PXMP2: variants seen among roughly 807,000 people sequenced by gnomAD.
PXMP2 encodes 22 kDa peroxisomal membrane protein.
A neutral mutation model predicts 20.2 loss-of-function variants in PXMP2; 13 were observed. That is an observed-to-expected ratio of 0.64 (90% CI 0.42 to 1.02). The LOEUF (loss-of-function observed/expected upper bound fraction) is 1.02, where lower values mean the gene tolerates loss of function less well. Ranked by LOEUF, PXMP2 falls within the 50% of genes least tolerant of loss-of-function variation. The probability of loss-of-function intolerance (pLI) is 0.00; values close to 1 mark genes in which losing one functional copy is unlikely to be tolerated. For missense variants in PXMP2, 284 were observed against 251.8 expected, an observed-to-expected ratio of 1.13 and a Z score of -0.87; for synonymous variants, 113 against 111.2, an observed-to-expected ratio of 1.02 and a Z score of -0.10.
rs1593111180 is a variant in PXMP2 at position 132,704,626 on chromosome 12, T to C, written c.527T>C (p.Val176Ala). 1 of 1,453,790 alleles carries C rather than the reference T, an allele frequency of 6.9e-7. No individual in the cohort carries two copies. The highest frequency in any genetic ancestry group is 9.1e-7 in the Non-Finnish European group (1 of 1,097,130). The allele number at this position is 1,453,790 out of a possible 1,614,324, so 90.1% of individuals were successfully genotyped here. Residue 176 changes from valine (V) to alanine (A), a missense_variant, in exon 5 of 5, where the codon GTG becomes GCG. Val to Ala is a moderately conservative substitution (Grantham distance 64, BLOSUM62 0). Transcript: ENST00000317479. ...GACTGTTCTTTTCGGCAGTTCCGGG[T>C]GCTCTTCGCCAACCTGGCAGCTCTG... is the stretch of plus-strand genomic sequence containing the variant. ...NINYVPLKFR[V>A]LFANLAALFW...
intron 1 of PXMP2, chr12:132,688,062 G>T (rs1457072681): frequency 4.6e-6 from 1 of 216,936 alleles, no homozygotes; most frequent in Non-Finnish European, 8.7e-6. Context: ...TTCCACCCAA[G>T]GACCCAACAG....
rs1270414846 is a variant in PXMP2, at chr12:132,693,219, C to G, written c.237-2665C>G. ...CTCCCTTAGCCAGTTAGTTAGTGAG[C>G]TCCCTTAGCCAGTTAGTGAGCTCCC... On this transcript the variant is annotated intron_variant, in intron 2 of 4. Coordinates refer to ENST00000317479, the MANE Select transcript of PXMP2 (RefSeq NM_018663.3). Among the ~76,000 whole-genome samples the G allele has an allele frequency of 7.8e-5, 5 of 63,712 alleles. 1 individual carries two copies. The highest frequency in any genetic ancestry group is 2.6e-4 in the African/African-American group (5 of 19,034). The allele number at this position is 63,712 out of a possible 152,430, so 41.8% of individuals were successfully genotyped here.
At chr12:132,692,081 AGCCAGTTAGTTAGTGAGCGCCCTT>A (rs2043371238) in intron 2 of PXMP2, among the ~76,000 whole-genome samples, 8 of 141,330 alleles carry the variant, frequency 5.7e-5, no homozygotes, top group African/African-American at 2.1e-4. Context: ...GAGCTCCCTG[AGCCAGTTAGTTAGTGAGCGCCCTT>A]GCCAGTTAGT....
chr12:132,698,227 G>A (rs779444797), intron 3 of PXMP2, among the ~76,000 whole-genome samples: 1 of 152,002 alleles, frequency 6.6e-6, no homozygotes. Flanking sequence ...GGCCAGGTTG[G>A]TATTGAACTC....
chr12:132,690,519 C>T (rs1161895505), intron 2 of PXMP2, 143 bp downstream of exon 2: 7 of 645,876 alleles, frequency 1.1e-5, no homozygotes, highest in African/African-American at 7.4e-5. Context: ...GGAAAAAACT[C>T]GAATGGTTCA....
chr12:132,703,235 C>T (rs1241715737), intron 4 of PXMP2, among the ~76,000 whole-genome samples: 1 of 152,106 alleles, frequency 6.6e-6, no homozygotes, highest in Non-Finnish European at 1.5e-5. Context: ...GAGTTTGAGA[C>T]CAGTCTGGGC....
intron 3 of PXMP2, among the ~76,000 whole-genome samples, chr12:132,700,654 C>G (rs748408509): frequency 6.6e-6 from 1 of 151,990 alleles, no homozygotes. Context: ...TTTTGCTGTG[C>G]AGAAGCTTTT....
At chr12:132,695,674 CAGAG>C (rs923210452) in intron 2 of PXMP2, among the ~76,000 whole-genome samples, 4 of 152,206 alleles carry the variant, frequency 2.6e-5, no homozygotes, top group Admixed American at 2.6e-4. Context: ...GCGCTGGGAG[CAGAG>C]AGTCAACGGC....
chr12:132,688,074 G>A (rs1157866960), intron 1 of PXMP2: 1 of 216,298 alleles, frequency 4.6e-6, no homozygotes, highest in African/African-American at 2.4e-5. Flanking sequence ...ACCCAACAGG[G>A]GCCCCGCGCG....
At chr12:132,692,609 G>A (rs1348291050) in intron 2 of PXMP2, among the ~76,000 whole-genome samples, 1 of 131,920 alleles carries the variant, frequency 7.6e-6, no homozygotes, top group Non-Finnish European at 1.6e-5. Flanking sequence ...TTAGTTAAGT[G>A]AGCGCCCTTA....
At chr12:132,701,499 C>A in intron 4 of PXMP2, 130 bp downstream of exon 4, 1 of 1,281,022 alleles carries the variant, frequency 7.8e-7, no homozygotes, top group Non-Finnish European at 1.1e-6. Flanking sequence ...GGTAGTTTTC[C>A]GCTAGACTTA....
At chr12:132,701,209 G>A in intron 3 of PXMP2, 41 bp from the exon 4 acceptor site, 1 of 1,610,842 alleles carries the variant, frequency 6.2e-7, no homozygotes, top group Non-Finnish European at 8.5e-7. Context: ...AGTTCTGATG[G>A]GCAGTGAGAC....
intron 4 of PXMP2, 136 bp downstream of exon 4, chr12:132,701,505 A>G: frequency 2.4e-6 from 3 of 1,233,666 alleles, no homozygotes; most frequent in Non-Finnish European, 3.3e-6. Context: ...TTTCCGCTAG[A>G]CTTAGTTTCA....
chr12:132,701,174 G>C, intron 3 of PXMP2, 76 bp from the exon 4 acceptor site: 4 of 1,582,654 alleles, frequency 2.5e-6, no homozygotes, highest in Middle Eastern at 1.7e-4. Flanking sequence ...AAACCATCAC[G>C]ATAGGGTCTG....
intron 2 of PXMP2, among the ~76,000 whole-genome samples, chr12:132,692,696 CAGTT>C (rs1214372496): frequency 9.4e-5 from 13 of 138,754 alleles, no homozygotes; most frequent in African/African-American, 2.8e-4. Flanking sequence ...GCGCCCTTGC[CAGTT>C]AGTTAGTGAG....
At chr12:132,689,851 G>A (rs906992669) in intron 1 of PXMP2, among the ~76,000 whole-genome samples, 6 of 152,080 alleles carry the variant, frequency 3.9e-5, no homozygotes, top group African/African-American at 1.2e-4. Context: ...GATCCTATTC[G>A]GATTTCTCCA....
At chr12:132,698,364 A>G (rs1457158254) in intron 3 of PXMP2, among the ~76,000 whole-genome samples, 1 of 152,224 alleles carries the variant, frequency 6.6e-6, no homozygotes, top group East Asian at 1.9e-4. Flanking sequence ...TCCATACAGA[A>G]GTTATAAAGG....
Position 132,687,612 on chromosome 12 carries a change from C to G in PXMP2, c.-59C>G. On this transcript the variant is annotated 5_prime_UTR_variant, in exon 1 of 5. Coordinates refer to ENST00000317479, the MANE Select transcript of PXMP2 (RefSeq NM_018663.3). Reference sequence around the variant, plus strand: ...ACTCCGCTCTCGGCGCCTCGGGCTCCGCGCCCGGCCAGCCTGAGGTGGGGT... The same window carrying G: ...ACTCCGCTCTCGGCGCCTCGGGCTCGGCGCCCGGCCAGCCTGAGGTGGGGT... 2 of 1,162,138 alleles carry G rather than the reference C, an allele frequency of 1.7e-6. No individual in the cohort carries two copies. The highest frequency in any genetic ancestry group is 1.1e-6 in the Non-Finnish European group (1 of 943,466). 72.0% of individuals were successfully genotyped at this position (1,162,138 alleles called of 1,614,324 possible).
intron 1 of PXMP2, 86 bp downstream of exon 1, chr12:132,687,878 G>T: frequency 9.3e-7 from 1 of 1,077,218 alleles, no homozygotes; most frequent in Non-Finnish European, 1.1e-6. Flanking sequence ...GCCGGGCCGG[G>T]ACCAGGCTGG....
Sources: allele counts gnomAD v4.1 joint callset (sites outside exome capture counted in the v4.1 genomes callset), GRCh38; gene constraint gnomAD v4.1.1; transcripts MANE v1.5; gene names NCBI Gene and HGNC (gene_info 2026-07-23, HGNC 2026-07-21).